Variants in SMCO4 observed in about 807,000 individuals in gnomAD.
The protein encoded by SMCO4 is single-pass membrane protein with coiled-coil domains 4, also known as single-pass membrane and coiled-coil domain-containing protein 4.
In SMCO4, 4 loss-of-function variants were observed where a neutral mutation model predicts 3.6. The ratio of observed to expected loss-of-function variants is 1.11; its 90% CI spans 0.54 to 2.53. SMCO4 has a LOEUF of 2.53. Among genes scored for constraint, SMCO4 ranks in the 30% most tolerant of loss-of-function variants. The probability of loss-of-function intolerance (pLI) is 0.02; values close to 1 mark genes in which losing one functional copy is unlikely to be tolerated. For synonymous variants in SMCO4, 36 were observed against 35.3 expected, an observed-to-expected ratio of 1.02 and a Z score of -0.07; for missense variants, 70 against 80.8, an observed-to-expected ratio of 0.87 and a Z score of 0.51.
chr11:93,535,500 C>CA, intron 1 of SMCO4: 1 of 1,367,356 alleles, frequency 7.3e-7, no homozygotes, highest in Non-Finnish European at 1.0e-6. Flanking sequence ...CAGCTCCTGA[C>CA]GGAGCTGACC....
intron 1 of SMCO4, among the ~76,000 whole-genome samples, chr11:93,534,598 A>G (rs1023370501): frequency 6.6e-6 from 1 of 152,214 alleles, no homozygotes; most frequent in Non-Finnish European, 1.5e-5. Context: ...CTCAAGGCAC[A>G]CACCCATAAG....
At chr11:93,542,245 A>G (rs888039957) in intron 1 of SMCO4, among the ~76,000 whole-genome samples, 2 of 152,162 alleles carry the variant, frequency 1.3e-5, no homozygotes, top group Middle Eastern at 3.2e-3. Flanking sequence ...CTAGCAGGCC[A>G]TGTCTTCCAC....
At chr11:93,547,667 C>A (rs1004203344), upstream of SMCO4, among the ~76,000 whole-genome samples, 2 of 152,164 alleles carry the variant, frequency 1.3e-5, no homozygotes, top group Non-Finnish European at 2.9e-5. Context: ...TTAAATCAAT[C>A]AATAAATGAG....
In SMCO4 at chr11:93,519,496, G is replaced by A. The variant is rs187024017; in HGVS notation, c.-153-20148C>T. 3.7e-4 allele frequency among the ~76,000 whole-genome samples: 56 copies of A among 152,326 alleles called. 1 individual carries two copies. Among genetic ancestry groups the A allele is most frequent in the African/African-American group, 1.3e-3 (54 of 41,570 alleles). ...ATTCATTGTGCATGCCTGTCCAAGA[G>A]AACAAGATAAACCTAAAACATCAAT... On this transcript the variant is annotated intron_variant, in intron 1 of 2. Coordinates refer to ENST00000298966, the MANE Select transcript of SMCO4 (RefSeq NM_020179.3).
At chr11:93,551,886 A>G in the SMCO4 span, among the ~76,000 whole-genome samples, 7 of 152,194 alleles carry the variant, frequency 4.6e-5, no homozygotes, top group African/African-American at 7.2e-5. Context: ...GCATTGGTGT[A>G]GAAGTACTTC....
intron 1 of SMCO4, among the ~76,000 whole-genome samples, chr11:93,509,804 C>T (rs1948941855): frequency 6.6e-6 from 1 of 152,074 alleles, no homozygotes; most frequent in African/African-American, 2.4e-5. Flanking sequence ...TAAGAGTGGA[C>T]TTTGGGGACT....
At chr11:93,546,447 T>C (rs1482846644), upstream of SMCO4, among the ~76,000 whole-genome samples, 10 of 152,202 alleles carry the variant, frequency 6.6e-5, no homozygotes, top group Non-Finnish European at 1.5e-4. Context: ...TGTGTTTATC[T>C]CTCCCACTTG....
At chr11:93,496,478 A>C (rs1397800181) in intron 2 of SMCO4, among the ~76,000 whole-genome samples, 4 of 152,210 alleles carry the variant, frequency 2.6e-5, no homozygotes, top group Non-Finnish European at 4.4e-5. Context: ...ATCTGGACAC[A>C]GTAAGCTTGA....
chr11:93,479,825 C>T (rs1948571341), intron 2 of SMCO4, among the ~76,000 whole-genome samples: 1 of 152,102 alleles, frequency 6.6e-6, no homozygotes, highest in Admixed American at 6.5e-5. Context: ...TCCCAAGCAC[C>T]CACCGTGTGC....
At chr11:93,552,441 C>CGTT in the SMCO4 span, among the ~76,000 whole-genome samples, 9 of 80,882 alleles carry the variant, frequency 1.1e-4, no homozygotes, top group Admixed American at 1.5e-4. Context: ...TGCCCAGCCA[C>CGTT]GTTATTATTA....
At chr11:93,481,316 C>T (rs1948589372) in intron 2 of SMCO4, 1 of 430,816 alleles carries the variant, frequency 2.3e-6, no homozygotes, top group South Asian at 9.5e-5. Flanking sequence ...GCTCTGCCCG[C>T]CCGCAGGGAC....
intron 1 of SMCO4, among the ~76,000 whole-genome samples, chr11:93,542,268 C>G (rs1364511948): frequency 2.0e-5 from 3 of 152,164 alleles, no homozygotes; most frequent in African/African-American, 7.2e-5. Flanking sequence ...TTGCCACCCT[C>G]GAGGCTGTGA....
intron 1 of SMCO4, among the ~76,000 whole-genome samples, chr11:93,503,468 A>G (rs1034402440): frequency 2.0e-5 from 3 of 152,186 alleles, no homozygotes; most frequent in Non-Finnish European, 1.5e-5. Flanking sequence ...TGGGGACACA[A>G]CCAAACCATA....
intron 1 of SMCO4, among the ~76,000 whole-genome samples, chr11:93,507,787 CTACA>C (rs1350857977): frequency 1.0e-3 from 157 of 152,332 alleles, no homozygotes; most frequent in East Asian, 3.1e-3. Flanking sequence ...CCTTTTCTAA[CTACA>C]TGTCTGTGTA....
At chr11:93,491,263 G>A (rs1247803644) in intron 2 of SMCO4, among the ~76,000 whole-genome samples, 1 of 152,244 alleles carries the variant, frequency 6.6e-6, no homozygotes, top group Non-Finnish European at 1.5e-5. Flanking sequence ...TTAAGGCAGT[G>A]CTTCTCCTAA....
intron 1 of SMCO4, among the ~76,000 whole-genome samples, chr11:93,526,857 A>G (rs1219572488): frequency 2.0e-5 from 3 of 152,208 alleles, no homozygotes; most frequent in East Asian, 1.9e-4. Context: ...AATCAGGACT[A>G]AAGTACAGAC....
At chr11:93,553,806 C>A in the SMCO4 span, among the ~76,000 whole-genome samples, 43 of 152,168 alleles carry the variant, frequency 2.8e-4, no homozygotes, top group African/African-American at 8.4e-4. Flanking sequence ...GCCTATAATA[C>A]CAAAAAGTCA....
At chr11:93,538,422 T>C (rs879585914) in intron 1 of SMCO4, among the ~76,000 whole-genome samples, 1 of 152,166 alleles carries the variant, frequency 6.6e-6, no homozygotes, top group Non-Finnish European at 1.5e-5. Flanking sequence ...GTGCAGACAA[T>C]ACCCCAGGAA....
intron 2 of SMCO4, among the ~76,000 whole-genome samples, chr11:93,497,664 A>G (rs1253847098): frequency 6.6e-6 from 1 of 151,970 alleles, no homozygotes; most frequent in Admixed American, 6.6e-5. Flanking sequence ...GTTGGGGGGA[A>G]CTGAACCCCA....
Sources: gnomAD v4.1 joint callset for allele counts (sites outside exome capture counted in the v4.1 genomes callset) on GRCh38, gnomAD v4.1.1 for gene constraint, MANE v1.5 for transcripts, NCBI Gene and HGNC (gene_info 2026-07-23, HGNC 2026-07-21) for gene names.